Variants in TG observed in about 807,000 individuals in gnomAD.
TG encodes thyroid hormones.
A neutral mutation model predicts 324.7 loss-of-function variants in TG; 270 were observed. The observed-to-expected ratio is 0.83, with a 90% CI of 0.75 to 0.92. The LOEUF (loss-of-function observed/expected upper bound fraction) is 0.92. TG is among the 40% of genes least tolerant of loss of function. TG has a pLI of 0.00. For synonymous variants in TG, 1,401 were observed against 1,327.0 expected, an observed-to-expected ratio of 1.06 and a Z score of -1.21; for missense variants, 3,591 against 3,456.4, an observed-to-expected ratio of 1.04 and a Z score of -0.98.
chr8:133,067,173 C>A (rs1372550245), intron 41 of TG, among the ~76,000 whole-genome samples: 2 of 152,158 alleles, frequency 1.3e-5, no homozygotes, highest in Non-Finnish European at 2.9e-5. Context: ...CCTGACCTCA[C>A]TTCACAGGTG....
chr8:133,129,883 G>A (rs1851817625), intron 45 of TG, among the ~76,000 whole-genome samples: 1 of 152,234 alleles, frequency 6.6e-6, no homozygotes, highest in African/African-American at 2.4e-5. Context: ...ACACTTAACA[G>A]CATTTTATGT....
chr8:133,088,694 C>T (rs1266673334), intron 41 of TG, among the ~76,000 whole-genome samples: 1 of 152,212 alleles, frequency 6.6e-6, no homozygotes, highest in Non-Finnish European at 1.5e-5. Context: ...AGGCCTTCTT[C>T]AAATCCTACA....
At chr8:133,038,708 T>G (rs1256756724) in intron 41 of TG, 1 of 1,613,956 alleles carries the variant, frequency 6.2e-7, no homozygotes, top group Non-Finnish European at 8.5e-7. Flanking sequence ...CCCAAGCGGG[T>G]TCTCTGTTCC....
chr8:133,052,108 T>C (rs1287833136), intron 41 of TG, among the ~76,000 whole-genome samples: 1 of 152,108 alleles, frequency 6.6e-6, no homozygotes, highest in Admixed American at 6.5e-5. Flanking sequence ...AGCCACTTTC[T>C]AGGATCCACA....
intron 27 of TG, among the ~76,000 whole-genome samples, chr8:132,958,573 C>A (rs757984100): frequency 6.6e-6 from 1 of 152,048 alleles, no homozygotes; most frequent in Admixed American, 6.6e-5. Flanking sequence ...CAAAAATTAG[C>A]CAGGTGTGGT....
Position 132,888,423 on chromosome 8 carries a change from A to G in TG, c.2616A>G (p.Leu872=). The G allele has an allele frequency of 6.2e-7, 1 of 1,613,424 alleles. No homozygotes were observed. The highest frequency in any genetic ancestry group is 8.5e-7 in the Non-Finnish European group (1 of 1,179,434). ...LLEPYLFWQI[L]NGQLSQYPGS... ...AGCCCTACCTCTTCTGGCAGATCTT[A>G]AATGGCCAACTCAGCCAATACCCGG... The change falls in exon 10 of 48, where the codon TTA becomes TTG. Residue 872 remains leucine, a synonymous_variant. Transcript: ENST00000220616.
chr8:132,939,662 G>GTTTTTTTT (rs1563980137), intron 25 of TG, among the ~76,000 whole-genome samples: 1 of 128,380 alleles, frequency 7.8e-6, no homozygotes, highest in African/African-American at 2.7e-5. Flanking sequence ...TAGTCTATGG[G>GTTTTTTTT]GTTTTTTTTT....
At position 133,029,832 on chromosome 8, in the gene TG, G is replaced by A; in HGVS notation, c.7048G>A (p.Val2350Met). The change falls in exon 41 of 48, where the codon GTG (valine) becomes ATG (methionine). Residue 2350 changes from valine to methionine, a missense_variant. By Grantham distance (21) the Val-to-Met change is conservative. Transcript: ENST00000220616. ...CCTCTTTTCTGAAGGGTCCGGAGAGGTGAGTGGCAACTGGGGGCTGCTGGA... is the reference window on the plus strand; with the variant it reads ...CCTCTTTTCTGAAGGGTCCGGAGAGATGAGTGGCAACTGGGGGCTGCTGGA... ...FGFLSSGSGE[V>M]SGNWGLLDQV... is the part of the protein sequence containing the mutation. 3 of 1,614,144 alleles carry A rather than the reference G, an allele frequency of 1.9e-6. No homozygotes were observed. Among genetic ancestry groups the A allele is most frequent in the African/African-American group, 1.3e-5 (1 of 75,074 alleles).
At chr8:132,956,088 G>A (rs1826820333) in intron 27 of TG, among the ~76,000 whole-genome samples, 1 of 152,232 alleles carries the variant, frequency 6.6e-6, no homozygotes, top group African/African-American at 2.4e-5. Flanking sequence ...GTGGAATGAT[G>A]CTTGCTTGCA....
At chr8:132,952,102 G>C (rs1826190209) in intron 27 of TG, among the ~76,000 whole-genome samples, 1 of 152,198 alleles carries the variant, frequency 6.6e-6, no homozygotes, top group Admixed American at 6.5e-5. Context: ...TCAGGCCCTG[G>C]AATTTGAATT....
intron 35 of TG, among the ~76,000 whole-genome samples, chr8:132,984,877 G>T (rs933680996): frequency 6.6e-6 from 1 of 151,840 alleles, no homozygotes; most frequent in African/African-American, 2.4e-5. Flanking sequence ...AGGAGGCAGA[G>T]GTTGCAGTGA....
chr8:133,131,745 T>A, intron 45 of TG, 67 bp from the exon 46 acceptor site: 1 of 1,600,616 alleles, frequency 6.2e-7, no homozygotes, highest in Non-Finnish European at 8.5e-7. Context: ...TTTGTTTGTG[T>A]GTTTGTGTTT....
At chr8:132,879,681 T>A (rs1175645785) in intron 5 of TG, among the ~76,000 whole-genome samples, 2 of 152,128 alleles carry the variant, frequency 1.3e-5, no homozygotes, top group African/African-American at 4.8e-5. Flanking sequence ...CTTAGGGTGA[T>A]CTTACTGGGA....
rs2132392661 is a variant in TG, at chr8:132,913,165, A to T, written c.4278A>T (p.Gln1426His). The change falls in exon 20 of 48, where the codon CAA (glutamine) becomes CAT (histidine). Residue 1426 changes from glutamine to histidine, a missense_variant. Transcript: ENST00000220616. ...TFPAETIRFL[Q>H]GDHFGTSPRT... ...CAGCGGAAACCATCCGCTTCCTCCA[A>T]GGGGACCACTTTGGCACCTCTCCCA... is the stretch of plus-strand genomic sequence containing the variant. 5 of 1,613,978 alleles carry T rather than the reference A, an allele frequency of 3.1e-6. No individual in the cohort carries two copies. In the East Asian group the frequency reaches 1.1e-4, roughly 36 times the overall value.
intron 35 of TG, among the ~76,000 whole-genome samples, chr8:132,997,055 G>A (rs529314039): frequency 4.6e-5 from 7 of 152,166 alleles, no homozygotes; most frequent in East Asian, 3.9e-4. Context: ...TTTGCTGCAG[G>A]GACAATATTC....
chr8:133,131,676 A>G (rs529402800), intron 45 of TG, 136 bp from the exon 46 acceptor site: 1 of 1,323,842 alleles, frequency 7.6e-7, no homozygotes, highest in Non-Finnish European at 1.0e-6. Flanking sequence ...ACTGGGCCCT[A>G]AACAGGATAC....
chr8:133,088,944 A>T (rs147241186), intron 41 of TG, among the ~76,000 whole-genome samples: 20 of 152,328 alleles, frequency 1.3e-4, no homozygotes, highest in Middle Eastern at 3.4e-3. Flanking sequence ...TTGGATGTTT[A>T]AAAAAAGTCC....
chr8:133,031,872 T>A (rs1375462958), intron 41 of TG, among the ~76,000 whole-genome samples: 1 of 152,198 alleles, frequency 6.6e-6, no homozygotes, highest in African/African-American at 2.4e-5. Flanking sequence ...ACTTTTCCTT[T>A]AGAGAAGCCT....
At position 132,941,361 on chromosome 8, in the gene TG, C is replaced by T. The variant is rs765920586; in HGVS notation, c.5052C>T (p.Ser1684=). 1.2e-5 allele frequency: 19 copies of T among 1,614,130 alleles called. No individual in the cohort carries two copies. The South Asian group carries it at 2.0e-4, about 17-fold the overall frequency. ...CTGCCTTTCCCCCAGGCCAAGGATC[C>T]ACCACAACACTTCAGAAACGCTTTG... The part of the protein sequence containing the change: ...PAVYLKKGQG[S]TTTLQKRFEP... Residue 1684 remains serine, a synonymous_variant, in exon 26 of 48, where the codon TCC becomes TCT. Coordinates refer to ENST00000220616, the MANE Select transcript of TG (RefSeq NM_003235.5).
Sources: gnomAD v4.1 joint callset for allele counts (sites outside exome capture counted in the v4.1 genomes callset) on GRCh38, gnomAD v4.1.1 for gene constraint, MANE v1.5 for transcripts, NCBI Gene and HGNC (gene_info 2026-07-23, HGNC 2026-07-21) for gene names.